The following PEBP4 variants were observed in gnomAD, a reference collection of about 807,000 sequenced individuals.
The protein encoded by PEBP4 is phosphatidylethanolamine binding protein 4.
Under a neutral mutation model 23.9 loss-of-function variants are expected in PEBP4, and 22 were observed. That is an observed-to-expected ratio of 0.92 (90% CI 0.66 to 1.31). The LOEUF (loss-of-function observed/expected upper bound fraction) is 1.31. Among genes scored for constraint, PEBP4 ranks in the 40% most tolerant of loss-of-function variants. The pLI, the probability that PEBP4 is intolerant of heterozygous loss-of-function variation, is 0.00. For missense variants in PEBP4, 324 were observed against 281.7 expected, an observed-to-expected ratio of 1.15 and a Z score of -1.07; for synonymous variants, 112 against 99.3, an observed-to-expected ratio of 1.13 and a Z score of -0.76.
intron 4 of PEBP4, among the ~76,000 whole-genome samples, chr8:22,762,855 A>T (rs907960499): frequency 1.3e-5 from 2 of 152,158 alleles, no homozygotes; most frequent in Non-Finnish European, 2.9e-5. Context: ...AACATCACAG[A>T]GCTGCCTGCG....
chr8:22,715,399 CAT>C lies in PEBP4; in HGVS notation c.518-1865_518-1864del, dbSNP rs545398879. Among the ~76,000 whole-genome samples the C allele has an allele frequency of 1.7e-3, 253 of 149,706 alleles. 1 individual carries two copies. The highest frequency in any genetic ancestry group is 5.7e-3 in the African/African-American group (235 of 40,950). On this transcript the variant is annotated intron_variant, in intron 6 of 6. Coordinates refer to ENST00000256404, the MANE Select transcript of PEBP4 (RefSeq NM_144962.3). ...CCCTGGGAACGAGTGTGTGCACACACATGTGTATGTGTGGGTGCACGTGTGTG... is the reference window on the plus strand; with the variant it reads ...CCCTGGGAACGAGTGTGTGCACACACGTGTATGTGTGGGTGCACGTGTGTG...
chr8:22,814,153 T>C (rs1173352604), intron 4 of PEBP4, among the ~76,000 whole-genome samples: 3 of 152,200 alleles, frequency 2.0e-5, no homozygotes, highest in Non-Finnish European at 1.5e-5. Flanking sequence ...GTAGGCACAC[T>C]ACTATCTCCA....
chr8:22,748,276 T>C (rs1253964048), intron 4 of PEBP4, among the ~76,000 whole-genome samples: 2 of 151,902 alleles, frequency 1.3e-5, no homozygotes, highest in African/African-American at 4.8e-5. Flanking sequence ...GGATGGACCA[T>C]TGAGAGGAGC....
chr8:22,726,964 G>A (rs544562347), intron 5 of PEBP4, among the ~76,000 whole-genome samples: 4 of 152,188 alleles, frequency 2.6e-5, no homozygotes, highest in Non-Finnish European at 5.9e-5. Context: ...TTCACATGGC[G>A]CAGGATGGTC....
At position 22,775,120 on chromosome 8, in the gene PEBP4, C is replaced by T. The variant is rs1585265800; in HGVS notation, c.357+42517G>A. The stretch of plus-strand genomic sequence containing the variant: ...TCCGTTGCCTCTCTGGCATCAGTTT[C>T]CCCACCTGTACCATAAGAGACGGGC... On this transcript the variant is annotated intron_variant, in intron 4 of 6. Transcript: ENST00000256404. This position sits in a 1 kb window ranked among gnomAD's most constrained non-coding sequence, Gnocchi z 4.8. 1.3e-5 allele frequency among the ~76,000 whole-genome samples: 2 copies of T among 152,338 alleles called. No homozygotes were observed. The highest frequency in any genetic ancestry group is 1.9e-4 in the East Asian group (1 of 5,192).
At chr8:22,938,849 A>C (rs1809573509) in intron 1 of PEBP4, among the ~76,000 whole-genome samples, 2 of 152,252 alleles carry the variant, frequency 1.3e-5, no homozygotes. Flanking sequence ...CATTCCCCAC[A>C]GCACTATGAA....
chr8:22,881,202 G>A (rs925983810), intron 3 of PEBP4, among the ~76,000 whole-genome samples: 1 of 152,240 alleles, frequency 6.6e-6, no homozygotes, highest in Non-Finnish European at 1.5e-5. Flanking sequence ...GGATGCCCCA[G>A]TTTCTGGACT....
chr8:22,809,125 G>A (rs1806562892), intron 4 of PEBP4, among the ~76,000 whole-genome samples: 1 of 152,208 alleles, frequency 6.6e-6, no homozygotes, highest in South Asian at 2.1e-4. Context: ...GGAGGAAAGA[G>A]CCAGCATATA....
chr8:22,908,041 C>T (rs1217749997), intron 3 of PEBP4, among the ~76,000 whole-genome samples: 1 of 151,510 alleles, frequency 6.6e-6, no homozygotes, highest in Non-Finnish European at 1.5e-5. Flanking sequence ...ACTGATGACT[C>T]CAACATGTCC....
chr8:22,816,655 G>A (rs1184958622), intron 4 of PEBP4, among the ~76,000 whole-genome samples: 2 of 152,212 alleles, frequency 1.3e-5, no homozygotes, highest in Non-Finnish European at 2.9e-5. Context: ...GCCGACAGAG[G>A]TCACTGGGTT....
chr8:22,923,720 G>A (rs569317596), intron 2 of PEBP4, among the ~76,000 whole-genome samples: 17 of 152,106 alleles, frequency 1.1e-4, no homozygotes, highest in Non-Finnish European at 2.1e-4. Flanking sequence ...ATTAACAAGC[G>A]GGACTTGGAA....
chr8:22,820,275 G>A (rs1408842137), intron 3 of PEBP4, among the ~76,000 whole-genome samples: 1 of 152,200 alleles, frequency 6.6e-6, no homozygotes, highest in East Asian at 1.9e-4. Context: ...TATACCATAG[G>A]TATGTGGTAG....
At chr8:22,785,585 C>T (rs956535075) in intron 4 of PEBP4, among the ~76,000 whole-genome samples, 14 of 152,216 alleles carry the variant, frequency 9.2e-5, no homozygotes, top group African/African-American at 3.4e-4. Context: ...GATTGAGACA[C>T]AAGCCCAGAG....
chr8:22,929,537 G>A (rs13275018), upstream of PEBP4, among the ~76,000 whole-genome samples: 62,975 of 152,026 alleles, frequency 0.41, 13,968 homozygotes, highest in African/African-American at 0.57. Flanking sequence ...TTTTATCTCC[G>A]AATCCTCATG....
intron 3 of PEBP4, chr8:22,886,509 A>G (rs1435510525): frequency 6.6e-6 from 1 of 152,334 alleles, no homozygotes; most frequent in East Asian, 1.9e-4. Context: ...TGTAGCAAGC[A>G]TTCAGCACAT....
At chr8:22,861,098 T>C (rs919643224) in intron 3 of PEBP4, among the ~76,000 whole-genome samples, 1 of 152,198 alleles carries the variant, frequency 6.6e-6, no homozygotes, top group Non-Finnish European at 1.5e-5. Context: ...ACTGGCCAGT[T>C]GACACAATAA....
chr8:22,741,667 G>A (rs1233981175), intron 4 of PEBP4, among the ~76,000 whole-genome samples: 1 of 152,142 alleles, frequency 6.6e-6, no homozygotes, highest in Non-Finnish European at 1.5e-5. Flanking sequence ...GTCTGTTAAG[G>A]GCCGCTCAGC....
At chr8:22,817,945 T>C (rs1238156351) in intron 3 of PEBP4, among the ~76,000 whole-genome samples, 1 of 152,196 alleles carries the variant, frequency 6.6e-6, no homozygotes, top group Non-Finnish European at 1.5e-5. Context: ...AGCAGGACTC[T>C]TGGCTTCCTC....
chr8:22,845,471 C>T lies in PEBP4; in HGVS notation c.259-27736G>A, dbSNP rs539989274. On this transcript the variant is annotated intron_variant, in intron 3 of 6. Coordinates refer to ENST00000256404, the MANE Select transcript of PEBP4 (RefSeq NM_144962.3). Reference sequence around the variant, plus strand: ...CTGGGAGGTTGAGGCTGCAGTGAGCCATGGGTGCATCATGGCACTCTAGCC... The same window carrying T: ...CTGGGAGGTTGAGGCTGCAGTGAGCTATGGGTGCATCATGGCACTCTAGCC... Among the ~76,000 whole-genome samples the T allele has an allele frequency of 9.1e-4, 139 of 152,180 alleles. 1 individual carries two copies. Among genetic ancestry groups the T allele is most frequent in the African/African-American group, 3.3e-3 (137 of 41,514 alleles).
Sources: allele counts gnomAD v4.1 joint callset (sites outside exome capture counted in the v4.1 genomes callset), GRCh38; gene constraint gnomAD v4.1.1; non-coding constraint Gnocchi (gnomAD v3.1); transcripts MANE v1.5; gene names NCBI Gene and HGNC (gene_info 2026-07-23, HGNC 2026-07-21).